NPLOC4: variants seen among roughly 807,000 people sequenced by gnomAD.
NPLOC4 encodes NPL4 homolog, ubiquitin recognition factor.
In NPLOC4, 18 loss-of-function variants were observed where a neutral mutation model predicts 80.6. That is an observed-to-expected ratio of 0.22 (90% CI 0.15 to 0.33). NPLOC4 has a LOEUF of 0.33. NPLOC4 is among the 10% of genes least tolerant of loss of function. NPLOC4 has a pLI of 1.00. For synonymous variants in NPLOC4, 313 were observed against 301.5 expected (o/e 1.04, Z -0.39); for missense variants, 540 against 786.1 (o/e 0.69, Z 3.74).
rs1465023113 is a variant in NPLOC4, at chr17:81,557,137, TGA to T, written c.*2120_*2121del. The T allele has an allele frequency of 6.6e-6, 1 of 152,156 alleles. No homozygotes were observed. Among genetic ancestry groups the T allele is most frequent in the Non-Finnish European group, 1.5e-5 (1 of 68,044 alleles). The allele number at this position is 152,156 out of a possible 1,614,324, so 9.4% of individuals were successfully genotyped here. On this transcript the variant is annotated 3_prime_UTR_variant, in exon 17 of 17. Coordinates refer to ENST00000331134, the MANE Select transcript of NPLOC4 (RefSeq NM_017921.4). ...CCACTGGATTATGGTGCTGGTAGCA[TGA>T]GAGGGTGTGTCCACACCAAGGGCAG...
intron 16 of NPLOC4, chr17:81,560,908 G>C (rs112005655): frequency 2.0e-4 from 31 of 152,288 alleles, no homozygotes; most frequent in African/African-American, 7.0e-4. Context: ...CCACACTGAT[G>C]AATGTGTAAC....
At chr17:81,614,480 C>T (rs2035427659) in intron 3 of NPLOC4, 1 of 151,464 alleles carries the variant, frequency 6.6e-6, no homozygotes, top group Non-Finnish European at 1.5e-5. Flanking sequence ...CAGCTTCTGC[C>T]ATCATCACCA....
In NPLOC4 at chr17:81,596,165, G is replaced by A. The variant is rs750040060; in HGVS notation, c.1071C>T (p.Leu357=). Residue 357 remains leucine (L), a synonymous_variant, in exon 11 of 17, where the codon CTC becomes CTT. Coordinates refer to ENST00000331134, the MANE Select transcript of NPLOC4 (RefSeq NM_017921.4). ...FQNKHPNMCR[L]SPDGHFGSKF... Reference sequence around the variant, plus strand: ...TGGATCCAAAATGTCCGTCTGGAGAGAGCCGGCACATGTTGGGATGCTTGT... The same window carrying A: ...TGGATCCAAAATGTCCGTCTGGAGAAAGCCGGCACATGTTGGGATGCTTGT... 1.2e-6 allele frequency: 2 copies of A among 1,614,012 alleles called. No homozygotes were observed. The highest frequency in any genetic ancestry group is 4.5e-5 in the East Asian group (2 of 44,886).
chr17:81,620,679 A>G (rs1438077435), intron 3 of NPLOC4, among the ~76,000 whole-genome samples: 1 of 152,084 alleles, frequency 6.6e-6, no homozygotes, highest in East Asian at 1.9e-4. Context: ...AATAATTAAA[A>G]AGAGGAGGGA....
chr17:81,589,211 G>C, intron 11 of NPLOC4, 107 bp from the exon 12 acceptor site: 1 of 985,354 alleles, frequency 1.0e-6, no homozygotes, highest in Non-Finnish European at 1.5e-6. Flanking sequence ...ACCCTCAAGA[G>C]TTTGTCGGGG....
At chr17:81,585,309 G>C (rs1296017362) in intron 12 of NPLOC4, among the ~76,000 whole-genome samples, 2 of 151,680 alleles carry the variant, frequency 1.3e-5, no homozygotes, top group African/African-American at 4.8e-5. Context: ...AAGATTAAAA[G>C]GGAAACAAAA....
At chr17:81,601,282 A>G (rs2035050988) in intron 8 of NPLOC4, among the ~76,000 whole-genome samples, 1 of 152,250 alleles carries the variant, frequency 6.6e-6, no homozygotes, top group African/African-American at 2.4e-5. Flanking sequence ...CAAACCACAA[A>G]GAAGTTTACG....
At chr17:81,579,880 T>G in intron 12 of NPLOC4, among the ~76,000 whole-genome samples, 1 of 127,898 alleles carries the variant, frequency 7.8e-6, no homozygotes, top group East Asian at 2.0e-4. Context: ...TCACCCCCCA[T>G]TCTCCTCTGT....
chr17:81,573,447 C>G (rs1478976142), intron 12 of NPLOC4: 2 of 151,576 alleles, frequency 1.3e-5, no homozygotes, highest in African/African-American at 4.9e-5. Context: ...CCCAGGCCCC[C>G]ATTTGGCCCT....
rs117665608 is a variant in NPLOC4, at chr17:81,577,346, C to T, written c.1282-5258G>A. Among the ~76,000 whole-genome samples, 2,461 of 152,124 alleles carry T rather than the reference C, an allele frequency of 0.016. 34 individuals are homozygous for T. Among genetic ancestry groups the T allele is most frequent in the Non-Finnish European group, 0.025 (1,713 of 67,980 alleles). On this transcript the variant is annotated intron_variant, in intron 12 of 16. Coordinates refer to ENST00000331134, the MANE Select transcript of NPLOC4 (RefSeq NM_017921.4). This position sits in a 1 kb window ranked among gnomAD's most constrained non-coding sequence, Gnocchi z 4.3. ...ATCACCCTCCCACCTCTCCCAGACC[C>T]TTCTCCTTGACCTCTTTAGAGCAGC...
intron 6 of NPLOC4, among the ~76,000 whole-genome samples, chr17:81,608,130 T>C (rs577826496): frequency 2.3e-4 from 35 of 152,266 alleles, no homozygotes; most frequent in African/African-American, 8.2e-4. Context: ...TGTGGTACCA[T>C]GAGGATTAGT....
chr17:81,629,992 T>C (rs2035888650), intron 1 of NPLOC4, 187 bp from the exon 2 acceptor site: 1 of 536,904 alleles, frequency 1.9e-6, no homozygotes, highest in Non-Finnish European at 3.3e-6. Context: ...TTCATCAACA[T>C]ATGGGGAGAT....
intron 4 of NPLOC4, 88 bp from the exon 5 acceptor site, chr17:81,610,346 CAG>C (rs1019529967): frequency 8.4e-6 from 10 of 1,194,602 alleles, no homozygotes; most frequent in Middle Eastern, 3.8e-4. Context: ...CCTACTTTAA[CAG>C]AGTGTTTCCC....
At chr17:81,586,463 T>C (rs182575031) in intron 12 of NPLOC4, among the ~76,000 whole-genome samples, 157 of 151,740 alleles carry the variant, frequency 1.0e-3, no homozygotes, top group Middle Eastern at 0.01. Context: ...CACAAAAAAT[T>C]AGCCGGGCAG....
chr17:81,584,905 G>A lies in NPLOC4; in HGVS notation c.1281+4039C>T, dbSNP rs139050589. Among the ~76,000 whole-genome samples, 5 of 152,188 alleles carry A rather than the reference G, an allele frequency of 3.3e-5. No homozygotes were observed. In the East Asian group the frequency reaches 7.7e-4, roughly 23 times the overall value. On this transcript the variant is annotated intron_variant, in intron 12 of 16. Coordinates refer to ENST00000331134, the MANE Select transcript of NPLOC4 (RefSeq NM_017921.4). ...AACGAGGCCCAGCACGGTGGCTCAC[G>A]CCTATAATCCTAGCACTTTGGGAGG...
chr17:81,624,036 G>C (rs193087023), intron 2 of NPLOC4, among the ~76,000 whole-genome samples: 170 of 152,306 alleles, frequency 1.1e-3, no homozygotes, highest in Non-Finnish European at 1.9e-3. Flanking sequence ...TGCAATCCCA[G>C]CACTTCGGGA....
At chr17:81,596,396 A>G (rs1194887772) in intron 10 of NPLOC4, among the ~76,000 whole-genome samples, 154 bp from the exon 11 acceptor site, 1 of 152,130 alleles carries the variant, frequency 6.6e-6, no homozygotes, top group Non-Finnish European at 1.5e-5. Context: ...CCACTTGAGG[A>G]CAAGAGTTCG....
At chr17:81,576,068 T>A (rs557972822) in intron 12 of NPLOC4, among the ~76,000 whole-genome samples, 6 of 152,240 alleles carry the variant, frequency 3.9e-5, no homozygotes, top group African/African-American at 1.4e-4. Flanking sequence ...TGTAGGTAAG[T>A]GGCACAGAGG....
chr17:81,622,335 T>C (rs1224102211), intron 2 of NPLOC4, 57 bp from the exon 3 acceptor site: 20 of 1,185,144 alleles, frequency 1.7e-5, no homozygotes, highest in Non-Finnish European at 2.4e-5. Flanking sequence ...TCACTACACA[T>C]ACCATACACA....
Sources: gnomAD v4.1 joint callset for allele counts (sites outside exome capture counted in the v4.1 genomes callset) on GRCh38, gnomAD v4.1.1 for gene constraint, Gnocchi (gnomAD v3.1) non-coding constraint, MANE v1.5 for transcripts, NCBI Gene and HGNC (gene_info 2026-07-23, HGNC 2026-07-21) for gene names.